DPYD: variants seen among roughly 807,000 people sequenced by gnomAD.
DPYD encodes the protein dihydropyrimidine dehydrogenase [NADP(+)].
In DPYD, 109 loss-of-function variants were observed where a neutral mutation model predicts 116.2. The observed-to-expected ratio is 0.94, with a 90% CI of 0.80 to 1.10. DPYD has a LOEUF of 1.10. Among genes scored for constraint, DPYD ranks in the 50% least tolerant of loss-of-function variants. The pLI, the probability that DPYD is intolerant of heterozygous loss-of-function variation, is 0.00. For synonymous variants in DPYD, 440 were observed against 432.0 expected (o/e 1.02, Z -0.23); for missense variants, 1,302 against 1,254.5 (o/e 1.04, Z -0.57).
chr1:97,416,455 T>C (rs1674296270), intron 14 of DPYD, among the ~76,000 whole-genome samples: 1 of 152,234 alleles, frequency 6.6e-6, no homozygotes, highest in Non-Finnish European at 1.5e-5. Context: ...CCATTAGATA[T>C]CAAATGTTTG....
chr1:97,713,493 AC>A (rs1180603840), intron 5 of DPYD, among the ~76,000 whole-genome samples: 1 of 152,114 alleles, frequency 6.6e-6, no homozygotes, highest in Admixed American at 6.6e-5. Context: ...ATCTGGCCCC[AC>A]AGTTCTATTA....
At chr1:97,800,491 G>C (rs1285705435) in intron 3 of DPYD, among the ~76,000 whole-genome samples, 1 of 151,792 alleles carries the variant, frequency 6.6e-6, no homozygotes, top group African/African-American at 2.4e-5. Context: ...CACAGCAATG[G>C]AACTTAACTT....
In DPYD at chr1:97,508,888, A is replaced by C. The variant is rs974617191; in HGVS notation, c.1740+6838T>G. On this transcript the variant is annotated intron_variant, in intron 13 of 22. Transcript: ENST00000370192. ...TATTGTGCAACTTCCGAGCCTTGGC[A>C]TCAAGAGGATTTGCAACTTCTCCTC... Among the ~76,000 whole-genome samples, 3 of 151,988 alleles carry C rather than the reference A, an allele frequency of 2.0e-5. No individual in the cohort carries two copies. The East Asian group carries it at 5.8e-4, about 29-fold the overall frequency.
intron 18 of DPYD, among the ~76,000 whole-genome samples, chr1:97,279,080 T>G (rs1303452045): frequency 6.6e-6 from 1 of 152,118 alleles, no homozygotes; most frequent in South Asian, 2.1e-4. Context: ...TGCATGATGC[T>G]GAAGTCTGTG....
intron 2 of DPYD, among the ~76,000 whole-genome samples, chr1:97,829,392 T>G (rs1040286626): frequency 1.3e-5 from 2 of 152,240 alleles, no homozygotes; most frequent in Non-Finnish European, 2.9e-5. Flanking sequence ...GTTGTTATAA[T>G]TAAAATCTTT....
intron 11 of DPYD, among the ~76,000 whole-genome samples, chr1:97,555,779 T>C (rs990268915): frequency 6.6e-6 from 1 of 152,124 alleles, no homozygotes; most frequent in Admixed American, 6.6e-5. Context: ...TCAGAAGCCA[T>C]TCTCTCCACA....
intron 20 of DPYD, among the ~76,000 whole-genome samples, chr1:97,114,717 A>C (rs1424792093): frequency 6.6e-6 from 1 of 152,176 alleles, no homozygotes; most frequent in African/African-American, 2.4e-5. Flanking sequence ...ATGGCAGCCA[A>C]TAGTCTGAGG....
chr1:97,427,458 AG>A (rs1674935053), intron 14 of DPYD, among the ~76,000 whole-genome samples: 1 of 152,090 alleles, frequency 6.6e-6, no homozygotes, highest in Non-Finnish European at 1.5e-5. Context: ...GAAATTACTA[AG>A]AAAACATAAC....
intron 8 of DPYD, among the ~76,000 whole-genome samples, chr1:97,657,217 C>T (rs1193667117): frequency 6.6e-6 from 1 of 152,028 alleles, no homozygotes; most frequent in East Asian, 1.9e-4. Context: ...AATCCACCCA[C>T]CTCGGCCTCC....
intron 12 of DPYD, chr1:97,545,855 A>C: frequency 1.8e-6 from 2 of 1,103,544 alleles, no homozygotes; most frequent in Non-Finnish European, 2.8e-6. Context: ...TACATTGAAG[A>C]GGACAATCTT....
At chr1:97,688,929 G>A (rs1022614827) in intron 7 of DPYD, among the ~76,000 whole-genome samples, 1 of 151,290 alleles carries the variant, frequency 6.6e-6, no homozygotes, top group African/African-American at 2.4e-5. Context: ...TTACAAAGGG[G>A]AATTGAAAAA....
chr1:97,276,758 A>G (rs563905433), intron 18 of DPYD, among the ~76,000 whole-genome samples: 1 of 152,140 alleles, frequency 6.6e-6, no homozygotes, highest in South Asian at 2.1e-4. Context: ...ACTGTTGGTG[A>G]GAATGTAAAT....
intron 4 of DPYD, 94 bp from the exon 5 acceptor site, chr1:97,721,765 A>C: frequency 8.2e-7 from 1 of 1,212,392 alleles, no homozygotes; most frequent in Non-Finnish European, 1.2e-6. Flanking sequence ...CTAGGTAATC[A>C]GATTGAAGAT....
intron 14 of DPYD, among the ~76,000 whole-genome samples, chr1:97,436,914 A>G (rs1675501476): frequency 6.6e-6 from 1 of 151,908 alleles, no homozygotes; most frequent in Admixed American, 6.6e-5. Context: ...CCTAAAAGTA[A>G]TTCCCAAGAT....
At chr1:97,148,238 G>A (rs1458627351) in intron 20 of DPYD, among the ~76,000 whole-genome samples, 1 of 35,808 alleles carries the variant, frequency 2.8e-5, no homozygotes, top group Non-Finnish European at 4.7e-5. Context: ...TATGTGTAGG[G>A]TGTGTGTGTG....
intron 8 of DPYD, among the ~76,000 whole-genome samples, chr1:97,639,545 G>C (rs926302793): frequency 2.6e-5 from 4 of 151,960 alleles, no homozygotes; most frequent in Admixed American, 2.6e-4. Context: ...GTATAAATAA[G>C]AGTTTAATTT....
chr1:97,342,186 T>C (rs1017922232), intron 16 of DPYD, among the ~76,000 whole-genome samples: 1 of 152,176 alleles, frequency 6.6e-6, no homozygotes, highest in African/African-American at 2.4e-5. Flanking sequence ...CATATAAAAT[T>C]GTAAGCTGAG....
chr1:97,193,218 T>A lies in DPYD; in HGVS notation c.2473A>T (p.Thr825Ser). ...CCAGTGCAGTAGTCTTCGATCACAG[T>A]GAAATCCTGATTCTGAATGGCACTG... Reference protein sequence around the residue: ...VCSAIQNQDFTVIEDYCTGLK... With the variant: ...VCSAIQNQDFSVIEDYCTGLK... Residue 825 changes from threonine to serine, a missense_variant, in exon 20 of 23, where the codon ACT becomes TCT. Coordinates refer to ENST00000370192, the MANE Select transcript of DPYD (RefSeq NM_000110.4). 2 of 1,613,828 alleles carry A rather than the reference T, an allele frequency of 1.2e-6. No homozygotes were observed. The highest frequency in any genetic ancestry group is 2.2e-5 in the South Asian group (2 of 91,032).
chr1:97,539,500 A>G (rs957582764), intron 12 of DPYD, among the ~76,000 whole-genome samples: 1 of 152,108 alleles, frequency 6.6e-6, no homozygotes, highest in Non-Finnish European at 1.5e-5. Flanking sequence ...ATATATATAT[A>G]TTTCTACCAC....
Sources: gnomAD v4.1 joint callset for allele counts (sites outside exome capture counted in the v4.1 genomes callset) on GRCh38, gnomAD v4.1.1 for gene constraint, MANE v1.5 for transcripts, NCBI Gene and HGNC (gene_info 2026-07-23, HGNC 2026-07-21) for gene names.